Variants in TRAF2 observed in about 807,000 individuals in gnomAD.
TRAF2 encodes TNF receptor-associated factor 2.
A neutral mutation model predicts 55.6 loss-of-function variants in TRAF2; 6 were observed. The ratio of observed to expected loss-of-function variants is 0.11; its 90% confidence interval spans 0.06 to 0.21. TRAF2 has a LOEUF of 0.21. Among genes scored for constraint, TRAF2 ranks in the 10% least tolerant of loss-of-function variants. The pLI, the probability that TRAF2 is intolerant of heterozygous loss-of-function variation, is 1.00. For synonymous variants in TRAF2, 329 were observed against 276.3 expected (o/e 1.19, Z -1.89); for missense variants, 561 against 684.5 (o/e 0.82, Z 2.01).
rs540159377 is a variant in TRAF2, at chr9:136,925,946, C to G, written c.*45C>G. On this transcript the variant is annotated 3_prime_UTR_variant, in exon 11 of 11. Coordinates refer to ENST00000247668, the MANE Select transcript of TRAF2 (RefSeq NM_021138.4). ...GGGGGTTGGGGGCAGCCAGGCACAG[C>G]CGGCTCACGGAGGGGCCACCACGCT... The G allele has an allele frequency of 6.2e-7, 1 of 1,607,524 alleles. No homozygotes were observed. The highest frequency in any genetic ancestry group is 1.3e-5 in the African/African-American group (1 of 74,916).
intron 7 of TRAF2, among the ~76,000 whole-genome samples, chr9:136,918,053 G>A (rs1389772649): frequency 2.0e-5 from 3 of 151,726 alleles, no homozygotes; most frequent in Admixed American, 6.6e-5. Context: ...CTTTTTCCAC[G>A]CCGCGCACAG....
chr9:136,925,455 CAG>C (rs1357915798), intron 10 of TRAF2, among the ~76,000 whole-genome samples: 1 of 152,218 alleles, frequency 6.6e-6, no homozygotes, highest in Non-Finnish European at 1.5e-5. Context: ...AGAATGGACA[CAG>C]ATTCCCCAGA....
chr9:136,925,849 T>C lies in TRAF2; in HGVS notation c.1454T>C (p.Val485Ala). 6.2e-7 allele frequency: 1 copy of C among 1,614,178 alleles called. No homozygotes were observed. Among genetic ancestry groups the C allele is most frequent in the Non-Finnish European group, 8.5e-7 (1 of 1,180,036 alleles). ...AAGATGGAGGCAAAGAATTCCTACGTGCGGGACGATGCCATCTTCATCAAG... is the reference window on the plus strand; with the variant it reads ...AAGATGGAGGCAAAGAATTCCTACGCGCGGGACGATGCCATCTTCATCAAG... ...VSKMEAKNSY[V>A]RDDAIFIKAI... is the part of the protein sequence containing the mutation. Residue 485 changes from valine (V) to alanine (A), a missense_variant, in exon 11 of 11, where the codon GTG (valine) becomes GCG (alanine). This residue lies in a region of TRAF2 where 135 missense variants were observed against 207.7 expected (regional missense o/e 0.65). Coordinates refer to ENST00000247668, the MANE Select transcript of TRAF2 (RefSeq NM_021138.4).
chr9:136,897,414 G>C (rs1849704488), intron 1 of TRAF2, among the ~76,000 whole-genome samples: 1 of 152,220 alleles, frequency 6.6e-6, no homozygotes, highest in African/African-American at 2.4e-5. Flanking sequence ...GCTGGCACAT[G>C]GAGGGCTCTG....
chr9:136,900,476 C>G lies in TRAF2; in HGVS notation c.322C>G (p.Pro108Ala), dbSNP rs1396029263. 1 of 1,613,744 alleles carries G rather than the reference C, an allele frequency of 6.2e-7. No homozygotes were observed. The highest frequency in any genetic ancestry group is 8.5e-7 in the Non-Finnish European group (1 of 1,179,798). ...GGTGGAGAGCCTGCCGGCCGTCTGT[C>G]CCAGTGATGGATGCACCTGGAAGGG... ...REVESLPAVC[P>A]SDGCTWKGTL... The change falls in exon 4 of 11, where the codon CCC becomes GCC. Residue 108 changes from proline (P) to alanine (A), a missense_variant. This residue lies in a region of TRAF2 where 426 missense variants were observed against 476.8 expected (regional missense o/e 0.89). Coordinates refer to ENST00000247668, the MANE Select transcript of TRAF2 (RefSeq NM_021138.4).
upstream of TRAF2, chr9:136,886,163 C>T (rs1849440853): frequency 6.5e-6 from 1 of 153,980 alleles, no homozygotes; most frequent in African/African-American, 2.4e-5. Flanking sequence ...GCCTCGCTGT[C>T]TCGCCGCACC....
intron 6 of TRAF2, among the ~76,000 whole-genome samples, chr9:136,913,924 G>A (rs551560486): frequency 1.8e-4 from 28 of 152,256 alleles, no homozygotes; most frequent in South Asian, 4.2e-4. Context: ...AGCATGGGGC[G>A]GCGTATGTTG....
At chr9:136,906,091 T>G (rs887973333) in intron 4 of TRAF2, among the ~76,000 whole-genome samples, 5 of 152,004 alleles carry the variant, frequency 3.3e-5, no homozygotes, top group Admixed American at 6.6e-5. Flanking sequence ...CAGAGCAAGA[T>G]TCCATCTCAA....
At chr9:136,919,542 A>G (rs989396105) in intron 7 of TRAF2, among the ~76,000 whole-genome samples, 1 of 149,336 alleles carries the variant, frequency 6.7e-6, no homozygotes, top group African/African-American at 2.5e-5. Flanking sequence ...TGATCCTCCC[A>G]CCTTGGCCTC....
At chr9:136,906,761 C>T (rs554476254) in intron 4 of TRAF2, among the ~76,000 whole-genome samples, 8 of 152,358 alleles carry the variant, frequency 5.3e-5, no homozygotes, top group African/African-American at 1.9e-4. Context: ...TCCTTCTTGA[C>T]TTCTCTGTGT....
intron 6 of TRAF2, among the ~76,000 whole-genome samples, chr9:136,911,167 G>A (rs1021670615): frequency 3.3e-5 from 5 of 152,214 alleles, no homozygotes; most frequent in African/African-American, 7.2e-5. Flanking sequence ...GAAGACGGGC[G>A]CCCACGCAGC....
At chr9:136,910,173 G>A (rs774519937) in intron 6 of TRAF2, 179 bp downstream of exon 6, 4 of 668,198 alleles carry the variant, frequency 6.0e-6, no homozygotes, top group Non-Finnish European at 1.0e-5. Flanking sequence ...TCCTGAGTGG[G>A]CCGGGGGCCA....
chr9:136,903,212 A>G (rs1324909458), intron 4 of TRAF2, among the ~76,000 whole-genome samples: 1 of 152,192 alleles, frequency 6.6e-6, no homozygotes, highest in East Asian at 1.9e-4. Flanking sequence ...TGGCCTCCCA[A>G]AGTGCTGAGA....
rs1034113952 is a variant in TRAF2, at chr9:136,886,537, G to T, written c.-33G>T. 34 of 987,004 alleles carry T rather than the reference G, an allele frequency of 3.4e-5. No individual in the cohort carries two copies. Among genetic ancestry groups the T allele is most frequent in the Non-Finnish European group, 3.4e-5 (28 of 831,088 alleles). The allele number at this position is 987,004 out of a possible 1,614,324, so 61.1% of individuals were successfully genotyped here. A position where few individuals can be genotyped will look rare whatever the true frequency, so the allele number is the denominator to read the frequency against. On this transcript the variant is annotated 5_prime_UTR_variant, in exon 1 of 11. Coordinates refer to ENST00000247668, the MANE Select transcript of TRAF2 (RefSeq NM_021138.4). ...CCTTAGTTCCGGGCGCGCTGCGACCGTTGGGTGAGGCGAGCGCGGGGTCGG... is the reference window on the plus strand; with the variant it reads ...CCTTAGTTCCGGGCGCGCTGCGACCTTTGGGTGAGGCGAGCGCGGGGTCGG...
At chr9:136,911,856 T>TTTTTTTG (rs1850116688) in intron 6 of TRAF2, among the ~76,000 whole-genome samples, 1 of 119,246 alleles carries the variant, frequency 8.4e-6, no homozygotes, top group East Asian at 2.5e-4. Flanking sequence ...CTTTTTTTTT[T>TTTTTTTG]TTTTTTTTTT....
At position 136,894,479 on chromosome 9, in the gene TRAF2, C is replaced by T. The variant is rs138038945; in HGVS notation, c.-28-4234C>T. On this transcript the variant is annotated intron_variant, in intron 1 of 10. Coordinates refer to ENST00000247668, the MANE Select transcript of TRAF2 (RefSeq NM_021138.4). The stretch of plus-strand genomic sequence containing the variant: ...GTCCTGGGCGCAGGCTTCTTAGGCC[C>T]ACCTCAGGGTTGCCAAGGGGCAGGT... Among the ~76,000 whole-genome samples the T allele has an allele frequency of 2.6e-5, 4 of 152,228 alleles. No individual in the cohort carries two copies. The East Asian group carries it at 7.7e-4, about 29-fold the overall frequency.
chr9:136,900,384 G>A (rs763270988), intron 3 of TRAF2, 38 bp from the exon 4 acceptor site: 19 of 1,475,006 alleles, frequency 1.3e-5, no homozygotes, highest in Non-Finnish European at 1.7e-5. Context: ...CAGGGAGTCT[G>A]GGAGGAGGTT....
chr9:136,924,927 T>TG (rs1327184776), intron 10 of TRAF2, among the ~76,000 whole-genome samples: 1 of 152,056 alleles, frequency 6.6e-6, no homozygotes, highest in Non-Finnish European at 1.5e-5. Flanking sequence ...TTAGTAGAGA[T>TG]GGGGTTTCTC....
At chr9:136,906,342 CAT>C (rs1849951626) in intron 4 of TRAF2, among the ~76,000 whole-genome samples, 1 of 152,066 alleles carries the variant, frequency 6.6e-6, no homozygotes, top group African/African-American at 2.4e-5. Context: ...TGAATGGACT[CAT>C]AGTTCCATGT....
Sources: gnomAD v4.1 joint callset for allele counts (sites outside exome capture counted in the v4.1 genomes callset) on GRCh38, gnomAD v4.1.1 for gene constraint, gnomAD v4.1.1 regional missense constraint, MANE v1.5 for transcripts, NCBI Gene and HGNC (gene_info 2026-07-23, HGNC 2026-07-21) for gene names.